Variants in TNRC18 observed in about 807,000 individuals in gnomAD.
TNRC18 encodes trinucleotide repeat-containing gene 18 protein.
Under a neutral mutation model 226.7 loss-of-function variants are expected in TNRC18, and 69 were observed. The observed-to-expected ratio is 0.30, with a 90% CI of 0.25 to 0.37. The LOEUF (loss-of-function observed/expected upper bound fraction) is 0.37, where lower values mean the gene tolerates loss of function less well. Ranked by LOEUF, TNRC18 falls within the 10% of genes least tolerant of loss-of-function variation. TNRC18 has a pLI of 1.00. For missense variants in TNRC18, 4,754 were observed against 4,256.6 expected (o/e 1.12, Z -3.25); for synonymous variants, 2,449 against 1,927.6 (o/e 1.27, Z -7.09).
Position 5,370,798 on chromosome 7 carries a change from C to G in TNRC18, c.3796G>C (p.Val1266Leu), listed in dbSNP as rs916699220. The G allele has an allele frequency of 1.9e-6, 3 of 1,607,172 alleles. No individual in the cohort carries two copies. Among genetic ancestry groups the G allele is most frequent in the African/African-American group, 1.3e-5 (1 of 74,800 alleles). ...ACTGCCTCCACCACGGGCACCGCCA[C>G]AGGCACCTCCACCGGCTCCTCCTTG... Reference protein sequence around the residue: ...EAKEEPVEVPVAVPVVEAVPE... With the variant: ...EAKEEPVEVPLAVPVVEAVPE... Residue 1266 changes from valine (V) to leucine (L), a missense_variant, in exon 11 of 30, where the codon GTG (valine) becomes CTG (leucine). Val to Leu is a conservative substitution (Grantham distance 32). Coordinates refer to ENST00000430969, the MANE Select transcript of TNRC18 (RefSeq NM_001080495.3).
chr7:5,322,515 C>A (rs1313486792), intron 21 of TNRC18, among the ~76,000 whole-genome samples: 2 of 152,186 alleles, frequency 1.3e-5, no homozygotes, highest in Non-Finnish European at 2.9e-5. Flanking sequence ...TGATCTCGAA[C>A]TCCTGGTCTC....
At chr7:5,352,117 T>C (rs757986632) in intron 16 of TNRC18, 23 bp from the exon 17 acceptor site, 2 of 1,581,518 alleles carry the variant, frequency 1.3e-6, no homozygotes, top group South Asian at 1.1e-5. Flanking sequence ...TAGTTTTTAA[T>C]AGAGATAAGT....
At position 5,345,517 on chromosome 7, in the gene TNRC18, G is replaced by GCCACCC; in HGVS notation, c.5719+44_5719+45insGGGTGG. On this transcript the variant is annotated intron_variant, in intron 18 of 29. Coordinates refer to ENST00000430969, the MANE Select transcript of TNRC18 (RefSeq NM_001080495.3). ...CCTGTGGGATGGGGCAATGGCGTCC[G>GCCACCC]CCCCTCCCACCCACCCCCACCGCAG... 32 of 377,744 alleles carry GCCACCC rather than the reference G, an allele frequency of 8.5e-5. 2 individuals carry two copies. Among genetic ancestry groups the GCCACCC allele is most frequent in the Middle Eastern group, 7.4e-4 (1 of 1,360 alleles). 23.4% of individuals were successfully genotyped at this position (377,744 alleles called of 1,614,324 possible).
chr7:5,410,498 C>T (rs1322765427), intron 2 of TNRC18, among the ~76,000 whole-genome samples: 1 of 151,890 alleles, frequency 6.6e-6, no homozygotes, highest in East Asian at 1.9e-4. Context: ...CTATGCAGCA[C>T]CCAAGACAGT....
At chr7:5,351,506 G>A (rs1791811328) in intron 17 of TNRC18, among the ~76,000 whole-genome samples, 1 of 151,910 alleles carries the variant, frequency 6.6e-6, no homozygotes, top group African/African-American at 2.4e-5. Flanking sequence ...TCGGGGGAGG[G>A]GGAGGAGGGC....
chr7:5,359,458 T>C lies in TNRC18; in HGVS notation c.4773A>G (p.Lys1591=), dbSNP rs1792801985. The C allele has an allele frequency of 1.2e-6, 2 of 1,614,032 alleles. No individual in the cohort carries two copies. Among genetic ancestry groups the C allele is most frequent in the South Asian group, 1.1e-5 (1 of 91,082 alleles). ...CCCAAGTCTGGTTCCTCCCCCTGGC[T>C]TTCCCCATTCCGATGAGGGCATCAT... ...EEHDALIGMG[K]ARGRNQTWDE... Residue 1591 remains lysine, a synonymous_variant, in exon 15 of 30, where the codon AAA becomes AAG. Coordinates refer to ENST00000430969, the MANE Select transcript of TNRC18 (RefSeq NM_001080495.3).
chr7:5,352,374 G>C (rs1791922315), intron 16 of TNRC18, among the ~76,000 whole-genome samples: 1 of 152,066 alleles, frequency 6.6e-6, no homozygotes, highest in African/African-American at 2.4e-5. Flanking sequence ...TCACCCACCA[G>C]TCACTCCAGG....
At chr7:5,365,688 A>C (rs1198909716) in intron 11 of TNRC18, among the ~76,000 whole-genome samples, 5 of 152,066 alleles carry the variant, frequency 3.3e-5, no homozygotes, top group Non-Finnish European at 7.4e-5. Context: ...TCCTGGGCAC[A>C]AGCAGTCCTT....
At position 5,377,220 on chromosome 7, in the gene TNRC18, C is replaced by T. The variant is rs2128180949; in HGVS notation, c.2461+151G>A. Reference sequence around the variant, plus strand: ...CAGAGGGGCCCCACGAGGCAGAGGCCATTATCATTCCTTCTTCCGACGAAT... The same window carrying T: ...CAGAGGGGCCCCACGAGGCAGAGGCTATTATCATTCCTTCTTCCGACGAAT... On this transcript the variant is annotated intron_variant, in intron 7 of 29. Transcript: ENST00000430969. The surrounding 1 kb of genome is among the most constrained non-coding windows in gnomAD (Gnocchi z 5.8). 9.2e-7 allele frequency: 1 copy of T among 1,081,498 alleles called. No homozygotes were observed. Among genetic ancestry groups the T allele is most frequent in the Admixed American group, 2.9e-5 (1 of 34,506 alleles). 67.0% of individuals were successfully genotyped at this position (1,081,498 alleles called of 1,614,324 possible). A position where few individuals can be genotyped will look rare whatever the true frequency, so the allele number is the denominator to read the frequency against.
At chr7:5,339,157 G>T (rs1201785271) in intron 18 of TNRC18, among the ~76,000 whole-genome samples, 1 of 150,774 alleles carries the variant, frequency 6.6e-6, no homozygotes, top group Non-Finnish European at 1.5e-5. Flanking sequence ...TTGTTTTGGG[G>T]CTCCGTGAAC....
rs193027709 is a variant in TNRC18 at position 5,403,570 on chromosome 7, C to T, written c.188-8975G>A. ...GACTTTGGGAGGCTGAGGCAGGAGT[C>T]GTTTGAGGCCAGGAGTTCAAGACCA... is the stretch of plus-strand genomic sequence containing the variant. On this transcript the variant is annotated intron_variant, in intron 2 of 29. Coordinates refer to ENST00000430969, the MANE Select transcript of TNRC18 (RefSeq NM_001080495.3). 3.2e-3 allele frequency among the ~76,000 whole-genome samples: 490 copies of T among 151,112 alleles called. 4 individuals are homozygous for T. The highest frequency in any genetic ancestry group is 0.011 in the African/African-American group (453 of 40,608).
intron 12 of TNRC18, 45 bp downstream of exon 12, chr7:5,362,598 TCCCACCC>T: frequency 6.8e-7 from 1 of 1,471,898 alleles, no homozygotes; most frequent in Non-Finnish European, 9.0e-7. Flanking sequence ...CAGAGGGGCC[TCCCACCC>T]AGCCTCCCCC....
intron 18 of TNRC18, among the ~76,000 whole-genome samples, chr7:5,337,897 C>A (rs1790283789): frequency 6.6e-6 from 1 of 151,984 alleles, no homozygotes; most frequent in Non-Finnish European, 1.5e-5. Flanking sequence ...GCAGGAGAAT[C>A]GCTTGAACCC....
chr7:5,314,443 AAC>A (rs1787635180), intron 26 of TNRC18, among the ~76,000 whole-genome samples: 1 of 152,154 alleles, frequency 6.6e-6, no homozygotes, highest in Non-Finnish European at 1.5e-5. Context: ...TCTGGAAAGA[AAC>A]ACAGGCCAGC....
At chr7:5,389,455 G>A (rs1780113012) in intron 4 of TNRC18, 119 bp from the exon 5 acceptor site, 6 of 605,028 alleles carry the variant, frequency 9.9e-6, no homozygotes, top group Non-Finnish European at 1.0e-5. Context: ...CAGTGTTTTG[G>A]TTTTGGTTTT....
At chr7:5,381,045 C>A (rs1012684445) in intron 5 of TNRC18, among the ~76,000 whole-genome samples, 1 of 152,096 alleles carries the variant, frequency 6.6e-6, no homozygotes, top group Non-Finnish European at 1.5e-5. Flanking sequence ...TCCCGGCTGT[C>A]ACTGTGAATG....
rs552889273 is a variant in TNRC18, at chr7:5,309,573, C to A, written c.8389-205G>T. Among the ~76,000 whole-genome samples, 1 of 152,256 alleles carries A rather than the reference C, an allele frequency of 6.6e-6. No homozygotes were observed. Among genetic ancestry groups the A allele is most frequent in the Non-Finnish European group, 1.5e-5 (1 of 68,052 alleles). On this transcript the variant is annotated intron_variant, in intron 27 of 29. Transcript: ENST00000430969. The surrounding 1 kb of genome is among the most constrained non-coding windows in gnomAD (Gnocchi z 5.7). ...TTTGACATGCTGGGTCTCCAAGAGGCGCTTCCCTTGATCTAAGCATTCTGC... is the reference window on the plus strand; with the variant it reads ...TTTGACATGCTGGGTCTCCAAGAGGAGCTTCCCTTGATCTAAGCATTCTGC...
intron 2 of TNRC18, among the ~76,000 whole-genome samples, chr7:5,400,590 C>A (rs1012253641): frequency 8.5e-5 from 13 of 152,186 alleles, no homozygotes; most frequent in African/African-American, 2.7e-4. Flanking sequence ...CCAGCCTGGG[C>A]GACAGAGTGA....
In TNRC18 at chr7:5,307,724, T is replaced by TC. The variant is rs934924633; in HGVS notation, c.*381dup. The TC allele has an allele frequency of 4.4e-5, 15 of 338,836 alleles. No individual in the cohort carries two copies. The East Asian group carries it at 7.2e-4, about 16-fold the overall frequency. The allele number at this position is 338,836 out of a possible 1,614,324, so 21.0% of individuals were successfully genotyped here. On this transcript the variant is annotated 3_prime_UTR_variant, in exon 30 of 30. Coordinates refer to ENST00000430969, the MANE Select transcript of TNRC18 (RefSeq NM_001080495.3). ...CAGTTTGGTTCCTTAGAAGCGCCCC[T>TC]CCCCACCGAATCCCCAGTCTGCATG...
Sources: gnomAD v4.1 joint callset for allele counts (sites outside exome capture counted in the v4.1 genomes callset) on GRCh38, gnomAD v4.1.1 for gene constraint, Gnocchi (gnomAD v3.1) non-coding constraint, MANE v1.5 for transcripts, NCBI Gene and HGNC (gene_info 2026-07-23, HGNC 2026-07-21) for gene names.